The following CACNA1B variants were observed in gnomAD, a reference collection of about 807,000 sequenced individuals.
CACNA1B encodes the protein voltage-dependent N-type calcium channel subunit alpha-1B.
Under a neutral mutation model 247.2 loss-of-function variants are expected in CACNA1B, and 70 were observed. The ratio of observed to expected loss-of-function variants is 0.28; its 90% CI spans 0.23 to 0.35. The LOEUF (loss-of-function observed/expected upper bound fraction) is 0.35. Ranked by LOEUF, CACNA1B falls within the 10% of genes least tolerant of loss-of-function variation. The pLI is 1.00. For missense variants in CACNA1B, 2,367 were observed against 3,197.4 expected (o/e 0.74, Z 6.26); for synonymous variants, 1,231 against 1,294.4 (o/e 0.95, Z 1.05).
At chr9:138,082,140 A>C (rs1960541183) in intron 36 of CACNA1B, among the ~76,000 whole-genome samples, 1 of 151,376 alleles carries the variant, frequency 6.6e-6, no homozygotes, top group Admixed American at 6.6e-5. Context: ...AGAAAAAATA[A>C]ATTTGTCTAC....
At chr9:138,001,463 A>G (rs1589059526) in intron 15 of CACNA1B, among the ~76,000 whole-genome samples, 1 of 133,164 alleles carries the variant, frequency 7.5e-6, no homozygotes, top group East Asian at 2.7e-4. Context: ...TTATATCCCA[A>G]TAATGCTGTT....
At position 138,013,193 on chromosome 9, in the gene CACNA1B, C is replaced by T; in HGVS notation, c.2225C>T (p.Ala742Val). ...KLALQKAKEV[A>V]EVSPMSAANI... ...GCTCTGCAAAAGGCCAAAGAAGTGG[C>T]TGAAGTCAGCCCCATGTCTGCCGCG... is the stretch of plus-strand genomic sequence containing the variant. The change falls in exon 18 of 47, where the codon GCT becomes GTT. Residue 742 changes from alanine to valine, a missense_variant. Coordinates refer to ENST00000371372, the MANE Select transcript of CACNA1B (RefSeq NM_000718.4). 6.2e-7 allele frequency: 1 copy of T among 1,610,088 alleles called. No homozygotes were observed. The highest frequency in any genetic ancestry group is 1.7e-5 in the Admixed American group (1 of 59,456).
intron 3 of CACNA1B, chr9:137,892,472 C>T (rs1023148127): frequency 3.2e-5 from 13 of 401,730 alleles, no homozygotes; most frequent in Non-Finnish European, 5.5e-5. Flanking sequence ...GGTTTGATGT[C>T]TGCAGAATCC....
chr9:137,927,864 T>C (rs915225822), intron 6 of CACNA1B, among the ~76,000 whole-genome samples: 1 of 152,188 alleles, frequency 6.6e-6, no homozygotes, highest in Non-Finnish European at 1.5e-5. Context: ...TTGAATTTTG[T>C]CACATGTGTT....
chr9:138,100,567 G>C lies in CACNA1B; in HGVS notation c.5223-2144G>C, dbSNP rs1458428711. 6.6e-6 allele frequency among the ~76,000 whole-genome samples: 1 copy of C among 152,170 alleles called. No homozygotes were observed. Among genetic ancestry groups the C allele is most frequent in the African/African-American group, 2.4e-5 (1 of 41,440 alleles). On this transcript the variant is annotated intron_variant, in intron 37 of 46. Transcript: ENST00000371372. This position sits in a 1 kb window ranked among gnomAD's most constrained non-coding sequence, Gnocchi z 4.6. ...ATTTGGAGCTGATTGGACCGAGGGG[G>C]CTACACTGTAGGAGAGAGGAGCATT...
At chr9:137,982,758 T>C (rs532446121) in intron 12 of CACNA1B, among the ~76,000 whole-genome samples, 1 of 152,344 alleles carries the variant, frequency 6.6e-6, no homozygotes, top group Admixed American at 6.5e-5. Flanking sequence ...AAGGGCAACA[T>C]GTGATCACCA....
Position 138,058,771 on chromosome 9 carries a change from C to G in CACNA1B, c.4473+38C>G, listed in dbSNP as rs1221375340. On this transcript the variant is annotated intron_variant, in intron 29 of 46. Coordinates refer to ENST00000371372, the MANE Select transcript of CACNA1B (RefSeq NM_000718.4). The surrounding 1 kb of genome is among the most constrained non-coding windows in gnomAD (Gnocchi z 4.7). ...CAGCGCAGAGGGGCAGCTGGCGCTG[C>G]TAGGGATTGGGATCTAACCCTGAGG... is the stretch of plus-strand genomic sequence containing the variant. 1 of 1,558,190 alleles carries G rather than the reference C, an allele frequency of 6.4e-7. No individual in the cohort carries two copies. The highest frequency in any genetic ancestry group is 8.7e-7 in the Non-Finnish European group (1 of 1,147,152).
intron 20 of CACNA1B, among the ~76,000 whole-genome samples, chr9:138,027,596 G>A (rs940553986): frequency 1.3e-5 from 2 of 152,122 alleles, no homozygotes; most frequent in African/African-American, 4.8e-5. Context: ...CTGTTTGTGT[G>A]TGTGTAAAAT....
At chr9:138,028,487 G>C (rs1391008390) in intron 20 of CACNA1B, among the ~76,000 whole-genome samples, 2 of 152,282 alleles carry the variant, frequency 1.3e-5, no homozygotes, top group East Asian at 3.9e-4. Flanking sequence ...AGTTAAAATA[G>C]CTAGTAATAA....
rs1962171184 is a variant in CACNA1B, at chr9:138,123,559, GATGTGT to G, written c.*1561_*1566del. On this transcript the variant is annotated 3_prime_UTR_variant, in exon 47 of 47. Transcript: ENST00000371372. ...GATTCTCCTCAAAGAAATTGTGTGT[GATGTGT>G]GTGTGTGTGTGTGTGTGTGTGTGTC... 1 of 66,074 alleles carries G rather than the reference GATGTGT, an allele frequency of 1.5e-5. No homozygotes were observed. The highest frequency in any genetic ancestry group is 3.2e-5 in the Non-Finnish European group (1 of 31,740). 4.1% of individuals were successfully genotyped at this position (66,074 alleles called of 1,614,324 possible).
intron 6 of CACNA1B, among the ~76,000 whole-genome samples, chr9:137,928,909 G>A (rs7046931): frequency 0.31 from 47,055 of 152,010 alleles, 9,494 homozygotes; most frequent in East Asian, 0.65. Flanking sequence ...TTACATCCAC[G>A]ATGAAGCAAG....
At position 137,981,248 on chromosome 9, in the gene CACNA1B, A is replaced by AT. The variant is rs148813140; in HGVS notation, c.1657-2883dup. On this transcript the variant is annotated intron_variant, in intron 12 of 46. Transcript: ENST00000371372. ...ACGTCTCTGATTAGTGGTGTTGAGC[A>AT]TTTTTTTCCATATCTTTGCTGAGAC... Among the ~76,000 whole-genome samples, 604 of 152,118 alleles carry AT rather than the reference A, an allele frequency of 4.0e-3. 2 individuals are homozygous for AT. Among genetic ancestry groups the AT allele is most frequent in the African/African-American group, 0.014 (569 of 41,474 alleles).
chr9:138,082,804 T>G (rs1960566947), intron 36 of CACNA1B, among the ~76,000 whole-genome samples: 1 of 150,942 alleles, frequency 6.6e-6, no homozygotes, highest in South Asian at 2.1e-4. Flanking sequence ...GAACAAAAAA[T>G]TACATTTTAA....
Position 138,120,048 on chromosome 9 carries a change from C to T in CACNA1B, c.6031-117C>T. The T allele has an allele frequency of 5.8e-6, 5 of 866,590 alleles. No homozygotes were observed. The South Asian group carries it at 8.4e-5, about 15-fold the overall frequency. 53.7% of individuals were successfully genotyped at this position (866,590 alleles called of 1,614,324 possible). A position where few individuals can be genotyped will look rare whatever the true frequency, so the allele number is the denominator to read the frequency against. ...GGCCTGGGTCCTTCTGACTGTGAGA[C>T]CAGGATGGGGGGCGTGTGGGCCTGC... is the stretch of plus-strand genomic sequence containing the variant. On this transcript the variant is annotated intron_variant, in intron 44 of 46. Transcript: ENST00000371372.
At chr9:138,078,762 C>A (rs2131320471) in intron 36 of CACNA1B, among the ~76,000 whole-genome samples, 1 of 152,240 alleles carries the variant, frequency 6.6e-6, no homozygotes, top group East Asian at 1.9e-4. Context: ...GAGGAGACGA[C>A]TGGGGGCAAC....
rs1015353714 is a variant in CACNA1B, at chr9:138,072,804, G to A, written c.4675-684G>A. Among the ~76,000 whole-genome samples the A allele has an allele frequency of 1.3e-4, 20 of 152,254 alleles. No homozygotes were observed. Among genetic ancestry groups the A allele is most frequent in the Non-Finnish European group, 2.6e-4 (18 of 68,044 alleles). On this transcript the variant is annotated intron_variant, in intron 32 of 46. Coordinates refer to ENST00000371372, the MANE Select transcript of CACNA1B (RefSeq NM_000718.4). This position sits in a 1 kb window ranked among gnomAD's most constrained non-coding sequence, Gnocchi z 4.5. Reference sequence around the variant, plus strand: ...ATTGTGCTTGATTTTGAGCCCCTTGGATGAGGGAGCTCCACTAGACAGCCT... The same window carrying A: ...ATTGTGCTTGATTTTGAGCCCCTTGAATGAGGGAGCTCCACTAGACAGCCT...
At position 138,121,045 on chromosome 9, in the gene CACNA1B, C is replaced by T. The variant is rs1564299354; in HGVS notation, c.6489+164C>T. Among the ~76,000 whole-genome samples, 4 of 152,136 alleles carry T rather than the reference C, an allele frequency of 2.6e-5. No individual in the cohort carries two copies. The highest frequency in any genetic ancestry group is 7.2e-5 in the African/African-American group (3 of 41,424). On this transcript the variant is annotated intron_variant, in intron 46 of 46. Coordinates refer to ENST00000371372, the MANE Select transcript of CACNA1B (RefSeq NM_000718.4). The surrounding 1 kb of genome is among the most constrained non-coding windows in gnomAD (Gnocchi z 6.8). The stretch of plus-strand genomic sequence containing the variant: ...CCTCTGTGCCCTGTCCCGGAGCCCA[C>T]GTCTGCAGCCTACCCCAGCTGTGTT...
At chr9:138,017,326 G>C (rs1284175611) in intron 18 of CACNA1B, 1 of 443,366 alleles carries the variant, frequency 2.3e-6, no homozygotes, top group Non-Finnish European at 4.6e-6. Context: ...GCTCCAGGCC[G>C]GGCTTCTGTG....
intron 12 of CACNA1B, among the ~76,000 whole-genome samples, chr9:137,979,536 A>T (rs1465165001): frequency 6.6e-6 from 1 of 152,132 alleles, no homozygotes; most frequent in Non-Finnish European, 1.5e-5. Flanking sequence ...GGAGAGGAAT[A>T]TATGGGGGCA....
Sources: allele counts gnomAD v4.1 joint callset (sites outside exome capture counted in the v4.1 genomes callset), GRCh38; gene constraint gnomAD v4.1.1; non-coding constraint Gnocchi (gnomAD v3.1); transcripts MANE v1.5; gene names NCBI Gene and HGNC (gene_info 2026-07-23, HGNC 2026-07-21).